The following FAT4 variants were observed in gnomAD, a reference collection of about 807,000 sequenced individuals.
FAT4 encodes the protein protocadherin Fat 4.
FAT4 carries 84 observed loss-of-function variants against 303.9 expected under a neutral mutation model. The observed-to-expected ratio is 0.28, with a 90% CI of 0.23 to 0.33. The LOEUF (loss-of-function observed/expected upper bound fraction) is 0.33. Ranked by LOEUF, FAT4 falls within the 10% of genes least tolerant of loss-of-function variation. The pLI is 1.00. For missense variants in FAT4, 6,005 were observed against 6,146.8 expected (o/e 0.98, Z 0.77); for synonymous variants, 2,307 against 2,298.8 (o/e 1.00, Z -0.10).
chr4:125,392,252 C>A (rs1169778519), intron 2 of FAT4, among the ~76,000 whole-genome samples: 1 of 151,982 alleles, frequency 6.6e-6, no homozygotes, highest in East Asian at 1.9e-4. Context: ...ATTTTTAGTG[C>A]AAAGTTTGTC....
At chr4:125,386,456 G>A (rs1035843351) in intron 2 of FAT4, among the ~76,000 whole-genome samples, 2 of 152,038 alleles carry the variant, frequency 1.3e-5, no homozygotes, top group Non-Finnish European at 2.9e-5. Flanking sequence ...TTTTAGTAGA[G>A]ACAGGGTTTC....
In FAT4 at chr4:125,320,789, A is replaced by C; in HGVS notation, c.4378A>C (p.Ile1460Leu). 3 of 1,614,162 alleles carry C rather than the reference A, an allele frequency of 1.9e-6. No homozygotes were observed. The highest frequency in any genetic ancestry group is 2.5e-6 in the Non-Finnish European group (3 of 1,179,966). ...DINGQLSYTI[I>L]QQMPRGNHFT... ...TAATGGTCAACTATCCTACACAATC[A>C]TTCAACAGATGCCAAGAGGCAACCA... Residue 1460 changes from isoleucine (I) to leucine (L), a missense_variant, in exon 2 of 18, where the codon ATT becomes CTT. Coordinates refer to ENST00000394329, the MANE Select transcript of FAT4 (RefSeq NM_001291303.3).
chr4:125,324,901 A>T (rs959863084), intron 2 of FAT4, among the ~76,000 whole-genome samples: 1 of 152,134 alleles, frequency 6.6e-6, no homozygotes, highest in African/African-American at 2.4e-5. Context: ...ATTTTGTTTT[A>T]AAAAAGTTTA....
chr4:125,425,692 T>C lies in FAT4; in HGVS notation c.7019-8553T>C, dbSNP rs183591186. Among the ~76,000 whole-genome samples, 139 of 152,186 alleles carry C rather than the reference T, an allele frequency of 9.1e-4. 1 individual carries two copies. The highest frequency in any genetic ancestry group is 1.8e-3 in the Non-Finnish European group (124 of 67,942). On this transcript the variant is annotated intron_variant, in intron 7 of 17. Transcript: ENST00000394329. ...ATACCTGCATAGACAATGCAGTTAG[T>C]TGGGCTGTATGTTTGCATTGAATTT...
intron 7 of FAT4, among the ~76,000 whole-genome samples, chr4:125,423,809 G>T (rs948627128): frequency 6.6e-6 from 1 of 152,186 alleles, no homozygotes; most frequent in Non-Finnish European, 1.5e-5. Flanking sequence ...TCTTGCATCA[G>T]CATGCCCTGG....
In FAT4 at chr4:125,477,302, C is replaced by T. The variant is rs891465792; in HGVS notation, c.12447C>T (p.Ser4149=). 2 of 1,581,640 alleles carry T rather than the reference C, an allele frequency of 1.3e-6. No individual in the cohort carries two copies. The highest frequency in any genetic ancestry group is 1.7e-6 in the Non-Finnish European group (2 of 1,163,472). ...FAVNGRPLEP[S]QALAAQGILD... is the part of the protein sequence containing the mutation. ...TCAATGGAAGGCCTCTGGAACCCAG[C>T]CAAGCTTTGGCAGCACAAGGCATCC... Residue 4149 remains serine (S), a synonymous_variant, in exon 14 of 18, where the codon AGC becomes AGT. Coordinates refer to ENST00000394329, the MANE Select transcript of FAT4 (RefSeq NM_001291303.3).
chr4:125,344,484 G>T (rs2125971588), intron 2 of FAT4, among the ~76,000 whole-genome samples: 1 of 152,190 alleles, frequency 6.6e-6, no homozygotes, highest in East Asian at 1.9e-4. Flanking sequence ...TCCCCATGTT[G>T]AAATACTTAA....
At chr4:125,421,248 C>T (rs1724874990) in intron 7 of FAT4, among the ~76,000 whole-genome samples, 1 of 152,150 alleles carries the variant, frequency 6.6e-6, no homozygotes, top group Non-Finnish European at 1.5e-5. Flanking sequence ...TTCTTTTATA[C>T]CTGGTTTTCC....
intron 7 of FAT4, among the ~76,000 whole-genome samples, chr4:125,426,120 A>G (rs1725078748): frequency 1.3e-5 from 2 of 152,166 alleles, no homozygotes; most frequent in South Asian, 4.1e-4. Context: ...GAAGCTGGTC[A>G]TTGCATTATA....
intron 10 of FAT4, among the ~76,000 whole-genome samples, chr4:125,456,462 A>G (rs1726283318): frequency 6.6e-6 from 1 of 152,168 alleles, no homozygotes. Context: ...TGAATCTTAC[A>G]TTTTTTAAAT....
At chr4:125,366,479 A>G (rs914385030) in intron 2 of FAT4, among the ~76,000 whole-genome samples, 5 of 151,858 alleles carry the variant, frequency 3.3e-5, no homozygotes. Flanking sequence ...TGTACTATAT[A>G]TATATTTTTA....
rs755446948 is a variant in FAT4 at position 125,491,247 on chromosome 4, G to A, written c.14431G>A (p.Asp4811Asn). 8.7e-6 allele frequency: 14 copies of A among 1,614,118 alleles called. No homozygotes were observed. Among genetic ancestry groups the A allele is most frequent in the Non-Finnish European group, 1.1e-5 (13 of 1,180,024 alleles). Residue 4811 changes from aspartate (D) to asparagine (N), a missense_variant, in exon 18 of 18, where the codon GAC becomes AAC. Coordinates refer to ENST00000394329, the MANE Select transcript of FAT4 (RefSeq NM_001291303.3). ...RPRNPSICSA[D>N]HGRSSSEEDC... is the part of the protein sequence containing the mutation. ...TAGAAACCCAAGTATCTGCAGTGCA[G>A]ACCATGGGAGGTCTTCTTCAGAGGA...
intron 2 of FAT4, among the ~76,000 whole-genome samples, chr4:125,385,001 CAT>C (rs1277413637): frequency 0.016 from 1,951 of 120,170 alleles, 24 homozygotes; most frequent in Middle Eastern, 0.037. Context: ...TATATATATA[CAT>C]ATATATATAT....
rs1360577919 is a variant in FAT4, at chr4:125,481,634, T to C, written c.12718T>C (p.Leu4240=). 1 of 1,613,962 alleles carries C rather than the reference T, an allele frequency of 6.2e-7. No individual in the cohort carries two copies. Among genetic ancestry groups the C allele is most frequent in the Non-Finnish European group, 8.5e-7 (1 of 1,179,962 alleles). The change falls in exon 16 of 18, where the codon TTG becomes CTG. Residue 4240 remains leucine, a synonymous_variant. Coordinates refer to ENST00000394329, the MANE Select transcript of FAT4 (RefSeq NM_001291303.3). ...AAGGCAAAGCTTACGAGGTGCCATG[T>C]TGGAGCCTTTTGGTGTGAACAGTCT... ...LLRQSLRGAM[L]EPFGVNSLEV...
At chr4:125,463,113 T>C (rs746962831) in intron 10 of FAT4, among the ~76,000 whole-genome samples, 28 of 152,036 alleles carry the variant, frequency 1.8e-4, no homozygotes, top group Non-Finnish European at 3.1e-4. Context: ...TATTTCTTAG[T>C]AGTAGAAAGA....
At chr4:125,447,191 T>C (rs1725855874) in intron 9 of FAT4, among the ~76,000 whole-genome samples, 1 of 152,124 alleles carries the variant, frequency 6.6e-6, no homozygotes, top group South Asian at 2.1e-4. Context: ...AAGAAAGGCA[T>C]ACTCTAAGAA....
chr4:125,385,770 A>T (rs1350501777), intron 2 of FAT4, among the ~76,000 whole-genome samples: 1 of 152,132 alleles, frequency 6.6e-6, no homozygotes, highest in Admixed American at 6.5e-5. Flanking sequence ...GATTTTGCAC[A>T]TTATTTTCTT....
intron 16 of FAT4, among the ~76,000 whole-genome samples, chr4:125,485,895 T>A: frequency 6.6e-6 from 1 of 152,162 alleles, no homozygotes; most frequent in East Asian, 1.9e-4. Flanking sequence ...GGTTCATCAT[T>A]GACTGTTTAT....
At chr4:125,419,624 A>G (rs907189724) in intron 7 of FAT4, among the ~76,000 whole-genome samples, 4 of 152,142 alleles carry the variant, frequency 2.6e-5, no homozygotes, top group Non-Finnish European at 4.4e-5. Flanking sequence ...ATAAAATTTA[A>G]ATGTCTTACC....
Sources: allele counts gnomAD v4.1 joint callset (sites outside exome capture counted in the v4.1 genomes callset), GRCh38; gene constraint gnomAD v4.1.1; transcripts MANE v1.5; gene names NCBI Gene and HGNC (gene_info 2026-07-23, HGNC 2026-07-21).